The following ZZZ3 variants were observed in gnomAD, a reference collection of about 807,000 sequenced individuals.
The protein encoded by ZZZ3 is zinc finger ZZ-type containing 3, also known as ZZ-type zinc finger-containing protein 3.
ZZZ3 carries 22 observed loss-of-function variants against 95.2 expected under a neutral mutation model. That is an observed-to-expected ratio of 0.23 (90% CI 0.17 to 0.33). ZZZ3 has a LOEUF of 0.33. ZZZ3 is among the 10% of genes least tolerant of loss of function. The pLI is 1.00. For missense variants in ZZZ3, 885 were observed against 1,066.5 expected (o/e 0.83, Z 2.37); for synonymous variants, 335 against 358.9 (o/e 0.93, Z 0.75).
At chr1:77,598,177 T>A (rs927453191) in intron 5 of ZZZ3, among the ~76,000 whole-genome samples, 1 of 152,132 alleles carries the variant, frequency 6.6e-6, no homozygotes, top group Non-Finnish European at 1.5e-5. Flanking sequence ...CCTTACCATA[T>A]AACATAAACA....
chr1:77,622,457 T>C (rs1452617807), intron 5 of ZZZ3, among the ~76,000 whole-genome samples: 4 of 145,722 alleles, frequency 2.7e-5, no homozygotes, highest in Admixed American at 6.8e-5. Context: ...TTCTCCAAAA[T>C]ACTTTACATT....
chr1:77,569,196 G>A (rs1278719071), intron 12 of ZZZ3, among the ~76,000 whole-genome samples: 1 of 152,170 alleles, frequency 6.6e-6, no homozygotes, highest in Non-Finnish European at 1.5e-5. Context: ...AATTAGTTGG[G>A]CATGGTGGCA....
At chr1:77,614,953 A>G (rs1282581671) in intron 5 of ZZZ3, 1 of 152,262 alleles carries the variant, frequency 6.6e-6, no homozygotes, top group Non-Finnish European at 1.5e-5. Flanking sequence ...GCTTTAAAAA[A>G]AAATAAAAAT....
At chr1:77,652,414 G>A (rs1027791214) in intron 1 of ZZZ3, among the ~76,000 whole-genome samples, 2 of 152,102 alleles carry the variant, frequency 1.3e-5, no homozygotes, top group Non-Finnish European at 2.9e-5. Flanking sequence ...ACACCCACTA[G>A]TATTGCTATA....
intron 5 of ZZZ3, among the ~76,000 whole-genome samples, chr1:77,598,034 A>C (rs564754878): frequency 6.6e-6 from 1 of 152,206 alleles, no homozygotes; most frequent in African/African-American, 2.4e-5. Context: ...TTAAAAGTCT[A>C]TTTTTAAAAA....
At chr1:77,643,687 C>T (rs1011795813) in intron 1 of ZZZ3, among the ~76,000 whole-genome samples, 1 of 152,298 alleles carries the variant, frequency 6.6e-6, no homozygotes, top group East Asian at 1.9e-4. Context: ...AAATAGATTA[C>T]GTGATCTCAG....
chr1:77,663,166 A>T (rs1340966203), intron 1 of ZZZ3, among the ~76,000 whole-genome samples: 1 of 152,138 alleles, frequency 6.6e-6, no homozygotes, highest in Non-Finnish European at 1.5e-5. Context: ...GAGACTGGAG[A>T]GACATGAAAT....
At chr1:77,614,257 G>C (rs867041445) in intron 5 of ZZZ3, among the ~76,000 whole-genome samples, 15 of 152,098 alleles carry the variant, frequency 9.9e-5, no homozygotes, top group Admixed American at 7.9e-4. Flanking sequence ...CTCCTAAGCC[G>C]ACTCTAGTGG....
intron 5 of ZZZ3, among the ~76,000 whole-genome samples, chr1:77,629,672 T>C (rs1667621447): frequency 6.6e-6 from 1 of 152,012 alleles, no homozygotes; most frequent in Non-Finnish European, 1.5e-5. Flanking sequence ...CTTCAAAAGA[T>C]CTGGAGCAAG....
chr1:77,599,223 A>C (rs1342850857), intron 5 of ZZZ3, among the ~76,000 whole-genome samples: 2 of 152,076 alleles, frequency 1.3e-5, no homozygotes, highest in Admixed American at 6.6e-5. Flanking sequence ...GACAAAATTA[A>C]AACTTGTAAA....
At chr1:77,677,276 T>G (rs149924551) in intron 1 of ZZZ3, 1 of 152,322 alleles carries the variant, frequency 6.6e-6, no homozygotes, top group African/African-American at 2.4e-5. Flanking sequence ...GGGTAGAGGC[T>G]GCAGTGAGCC....
intron 5 of ZZZ3, among the ~76,000 whole-genome samples, chr1:77,611,536 G>C (rs914341498): frequency 6.6e-6 from 1 of 151,708 alleles, no homozygotes; most frequent in Admixed American, 6.6e-5. Flanking sequence ...GCAATCTTGA[G>C]CAAAAAACAA....
intron 1 of ZZZ3, among the ~76,000 whole-genome samples, chr1:77,657,724 C>T (rs2100997150): frequency 6.6e-6 from 1 of 152,018 alleles, no homozygotes; most frequent in East Asian, 1.9e-4. Flanking sequence ...TTCTAGGACC[C>T]CAAGTATAGG....
chr1:77,645,881 G>C (rs1669217743), intron 1 of ZZZ3, among the ~76,000 whole-genome samples: 1 of 150,066 alleles, frequency 6.7e-6, no homozygotes, highest in Non-Finnish European at 1.5e-5. Flanking sequence ...TGAGGCAGAA[G>C]AATTGCTTGA....
At chr1:77,611,251 C>CCAACAAAAAAAAAAAAAAAAAAAAA (rs1557724169) in intron 5 of ZZZ3, among the ~76,000 whole-genome samples, 1 of 113,782 alleles carries the variant, frequency 8.8e-6, no homozygotes, top group Non-Finnish European at 1.7e-5. Flanking sequence ...AAAAAAAAAA[C>CCAACAAAAAAAAAAAAAAAAAAAAA]AACCCACATG....
At chr1:77,619,103 C>T (rs181369613) in intron 5 of ZZZ3, among the ~76,000 whole-genome samples, 10 of 152,264 alleles carry the variant, frequency 6.6e-5, no homozygotes, top group Admixed American at 5.2e-4. Context: ...TATTTCCCTA[C>T]TCCAGAATTT....
At chr1:77,662,910 G>A (rs908701318) in intron 1 of ZZZ3, among the ~76,000 whole-genome samples, 1 of 152,200 alleles carries the variant, frequency 6.6e-6, no homozygotes, top group Non-Finnish European at 1.5e-5. Flanking sequence ...TTGGAGACCA[G>A]CCTGGATAAT....
chr1:77,577,883 T>G (rs1045458866), intron 11 of ZZZ3, among the ~76,000 whole-genome samples: 13 of 152,158 alleles, frequency 8.5e-5, no homozygotes, highest in African/African-American at 3.1e-4. Context: ...CCTCCCAAAG[T>G]GCTGGGATTA....
chr1:77,628,021 G>A (rs943205863), intron 5 of ZZZ3, among the ~76,000 whole-genome samples: 2 of 152,166 alleles, frequency 1.3e-5, no homozygotes, highest in Non-Finnish European at 2.9e-5. Context: ...TGGAAGAAAC[G>A]CTCTGAACAT....
Sources: allele counts gnomAD v4.1 joint callset (sites outside exome capture counted in the v4.1 genomes callset), GRCh38; gene constraint gnomAD v4.1.1; transcripts MANE v1.5; gene names NCBI Gene and HGNC (gene_info 2026-07-23, HGNC 2026-07-21).